The following SH3GL3 variants were observed in gnomAD, a reference collection of about 807,000 sequenced individuals.
SH3GL3 encodes endophilin-A3.
In SH3GL3, 33 loss-of-function variants were observed where a neutral mutation model predicts 47.7. The observed-to-expected ratio is 0.69, with a 90% CI of 0.52 to 0.92. SH3GL3 has a LOEUF of 0.92. Among genes scored for constraint, SH3GL3 ranks in the 40% least tolerant of loss-of-function variants. The pLI, the probability that SH3GL3 is intolerant of heterozygous loss-of-function variation, is 0.00. For missense variants in SH3GL3, 363 were observed against 417.8 expected (o/e 0.87, Z 1.14); for synonymous variants, 155 against 148.8 (o/e 1.04, Z -0.30).
intron 1 of SH3GL3, among the ~76,000 whole-genome samples, chr15:83,470,370 A>C (rs2040775867): frequency 6.6e-6 from 1 of 152,076 alleles, no homozygotes. Flanking sequence ...GATTACAGGC[A>C]TGCGCCACCA....
chr15:83,624,835 T>C, the SH3GL3 span, among the ~76,000 whole-genome samples: 1 of 152,200 alleles, frequency 6.6e-6, no homozygotes, highest in Non-Finnish European at 1.5e-5. Flanking sequence ...ACTTCTGGGA[T>C]TGCTCTGGGA....
chr15:83,609,723 G>C lies in SH3GL3; in HGVS notation c.839-8359G>C, dbSNP rs143655762. Among the ~76,000 whole-genome samples the C allele has an allele frequency of 4.1e-3, 627 of 152,278 alleles. 3 individuals are homozygous for C. The highest frequency in any genetic ancestry group is 0.015 in the African/African-American group (604 of 41,558). On this transcript the variant is annotated intron_variant, in intron 8 of 8. Transcript: ENST00000427482. Reference sequence around the variant, plus strand: ...AAAAGAACCCAAGTTCCACAAAAGAGCTGTGAGTTTTAGTGCAACAGAGAG... The same window carrying C: ...AAAAGAACCCAAGTTCCACAAAAGACCTGTGAGTTTTAGTGCAACAGAGAG...
At chr15:83,551,572 C>T (rs1376144351) in intron 1 of SH3GL3, among the ~76,000 whole-genome samples, 3 of 152,188 alleles carry the variant, frequency 2.0e-5, no homozygotes, top group African/African-American at 7.2e-5. Context: ...GGTTCCTCTC[C>T]AGTCCATTAT....
chr15:83,623,619 G>A (rs1038120392), downstream of SH3GL3, among the ~76,000 whole-genome samples: 3 of 152,214 alleles, frequency 2.0e-5, no homozygotes, highest in Non-Finnish European at 4.4e-5. Context: ...GCATCGGAGT[G>A]GGAGGGTTTT....
In SH3GL3 at chr15:83,581,468, A is replaced by C. The variant is rs1000766991; in HGVS notation, c.624+4727A>C. On this transcript the variant is annotated intron_variant, in intron 6 of 8. Coordinates refer to ENST00000427482, the MANE Select transcript of SH3GL3 (RefSeq NM_003027.5). ...GTGAGCTATTCCTGGCCTGAAGTCT[A>C]GACCTTGGAGCCCCTGCAGAGAGAG... Among the ~76,000 whole-genome samples, 2 of 152,210 alleles carry C rather than the reference A, an allele frequency of 1.3e-5. 1 individual carries two copies. Among genetic ancestry groups the C allele is most frequent in the Non-Finnish European group, 2.9e-5 (2 of 68,030 alleles).
intron 3 of SH3GL3, among the ~76,000 whole-genome samples, chr15:83,566,378 G>C (rs1440977484): frequency 6.7e-6 from 1 of 148,830 alleles, no homozygotes; most frequent in African/African-American, 2.4e-5. Context: ...GTGTGTGTGT[G>C]TGTGTGTGTG....
intron 8 of SH3GL3, among the ~76,000 whole-genome samples, chr15:83,590,296 G>A (rs757867328): frequency 6.6e-6 from 1 of 151,888 alleles, no homozygotes; most frequent in African/African-American, 2.4e-5. Flanking sequence ...TTATTTTGAT[G>A]TAGTCAAATG....
intron 1 of SH3GL3, among the ~76,000 whole-genome samples, chr15:83,500,948 C>T (rs921835372): frequency 2.6e-5 from 4 of 152,184 alleles, no homozygotes; most frequent in Non-Finnish European, 5.9e-5. Flanking sequence ...ACAGGGGCTA[C>T]GAAGGCCCTT....
intron 6 of SH3GL3, among the ~76,000 whole-genome samples, chr15:83,584,516 T>C (rs1213684868): frequency 6.6e-6 from 1 of 152,190 alleles, no homozygotes; most frequent in Non-Finnish European, 1.5e-5. Flanking sequence ...CCCAAGTTGC[T>C]TCTTCACAGC....
chr15:83,552,831 G>A (rs1165232315), intron 1 of SH3GL3, among the ~76,000 whole-genome samples: 1 of 152,084 alleles, frequency 6.6e-6, no homozygotes, highest in African/African-American at 2.4e-5. Context: ...GGGTTTATCA[G>A]TTTCACTATT....
At chr15:83,505,523 C>CT (rs35112953) in intron 1 of SH3GL3, among the ~76,000 whole-genome samples, 17,348 of 92,030 alleles carry the variant, frequency 0.19, 1,674 homozygotes, top group South Asian at 0.22. Flanking sequence ...CTTGAATTTC[C>CT]TTTTTTTTTT....
intron 2 of SH3GL3, among the ~76,000 whole-genome samples, chr15:83,562,686 A>G (rs1435028386): frequency 6.6e-6 from 1 of 152,224 alleles, no homozygotes; most frequent in Non-Finnish European, 1.5e-5. Flanking sequence ...CACCAGTTAT[A>G]TAATTAAGCA....
At chr15:83,632,401 A>G in the SH3GL3 span, among the ~76,000 whole-genome samples, 2 of 152,204 alleles carry the variant, frequency 1.3e-5, no homozygotes, top group Non-Finnish European at 2.9e-5. Context: ...ACATCATTAG[A>G]TAGCTTGCCC....
intron 1 of SH3GL3, among the ~76,000 whole-genome samples, chr15:83,503,175 A>G (rs1264154862): frequency 1.3e-5 from 2 of 152,222 alleles, no homozygotes; most frequent in African/African-American, 4.8e-5. Flanking sequence ...AAAGAAAAAA[A>G]CATTATAAAA....
chr15:83,585,198 A>G (rs1252736208), intron 6 of SH3GL3, among the ~76,000 whole-genome samples: 2 of 152,102 alleles, frequency 1.3e-5, no homozygotes, highest in Admixed American at 1.3e-4. Context: ...AGCATTGGGC[A>G]GTGCTGCCAT....
chr15:83,605,476 C>G (rs996029941), intron 8 of SH3GL3, among the ~76,000 whole-genome samples: 2 of 150,396 alleles, frequency 1.3e-5, no homozygotes, highest in African/African-American at 5.0e-5. Context: ...ATTTCACTAA[C>G]AAATGAAAGC....
At chr15:83,547,772 A>G (rs1596232520) in intron 1 of SH3GL3, among the ~76,000 whole-genome samples, 2 of 130,482 alleles carry the variant, frequency 1.5e-5, no homozygotes, top group South Asian at 4.8e-4. Context: ...GATATAGTGT[A>G]GCTTTTTTTT....
chr15:83,459,043 C>T (rs920970725), intron 1 of SH3GL3, among the ~76,000 whole-genome samples: 3 of 152,278 alleles, frequency 2.0e-5, no homozygotes, highest in Non-Finnish European at 2.9e-5. Context: ...GCCGAAGGCC[C>T]GAGAGCCCCT....
rs576784018 is a variant in SH3GL3 at position 83,618,668 on chromosome 15, C to T, written c.*381C>T. On this transcript the variant is annotated 3_prime_UTR_variant, in exon 9 of 9. Coordinates refer to ENST00000427482, the MANE Select transcript of SH3GL3 (RefSeq NM_003027.5). ...TGTTTCTCGACATTCCTGATGACGT[C>T]TGGTCTTTTCTTTTCATTGTATTTT... 153 of 206,218 alleles carry T rather than the reference C, an allele frequency of 7.4e-4. No homozygotes were observed. Among genetic ancestry groups the T allele is most frequent in the African/African-American group, 3.4e-3 (149 of 43,412 alleles). 12.8% of individuals were successfully genotyped at this position (206,218 alleles called of 1,614,324 possible).
Sources: allele counts gnomAD v4.1 joint callset (sites outside exome capture counted in the v4.1 genomes callset), GRCh38; gene constraint gnomAD v4.1.1; transcripts MANE v1.5; gene names NCBI Gene and HGNC (gene_info 2026-07-23, HGNC 2026-07-21).